Variants in ZNF599 observed in about 807,000 individuals in gnomAD.
ZNF599 encodes zinc finger protein 599.
In ZNF599, 10 loss-of-function variants were observed where a neutral mutation model predicts 11.7. The ratio of observed to expected loss-of-function variants is 0.86; its 90% CI spans 0.53 to 1.45. The LOEUF (loss-of-function observed/expected upper bound fraction) is 1.45, where lower values mean the gene tolerates loss of function less well. Among genes scored for constraint, ZNF599 ranks in the 40% most tolerant of loss-of-function variants. The pLI, the probability that ZNF599 is intolerant of heterozygous loss-of-function variation, is 0.00. For synonymous variants in ZNF599, 232 were observed against 253.2 expected (o/e 0.92, Z 0.79); for missense variants, 688 against 713.6 (o/e 0.96, Z 0.41).
rs1014675265 is a variant in ZNF599, at chr19:34,760,512, C to T, written c.289G>A (p.Ala97Thr). ...TGGAAAGAGGATTCCTCAGAGAAGG[C>T]CAGCTGAGAAGCAGTAGGCTCTGTA... ...KITEPTASQL[A>T]FSEESSFQEL... Residue 97 changes from alanine (A) to threonine (T), a missense_variant, in exon 4 of 4, where the codon GCC (alanine) becomes ACC (threonine). Transcript: ENST00000329285. 6.2e-7 allele frequency: 1 copy of T among 1,613,968 alleles called. No individual in the cohort carries two copies. Among genetic ancestry groups the T allele is most frequent in the Non-Finnish European group, 8.5e-7 (1 of 1,179,978 alleles).
the ZNF599 span, among the ~76,000 whole-genome samples, chr19:34,805,349 C>A: frequency 6.6e-6 from 1 of 152,108 alleles, no homozygotes; most frequent in Non-Finnish European, 1.5e-5. Flanking sequence ...AGGCACGTGC[C>A]ACCACGCCCA....
At chr19:34,777,362 A>C (rs1411899393), upstream of ZNF599, among the ~76,000 whole-genome samples, 3 of 83,468 alleles carry the variant, frequency 3.6e-5, no homozygotes, top group East Asian at 8.1e-4. Flanking sequence ...TTATATATTA[A>C]TATATTATAT....
the ZNF599 span, chr19:34,779,919 T>C: frequency 1.0e-4 from 16 of 157,382 alleles, no homozygotes. Flanking sequence ...CATGGTATGC[T>C]CTTCTGTGGC....
chr19:34,759,486 T>C lies in ZNF599; in HGVS notation c.1315A>G (p.Ile439Val), dbSNP rs2069094554. Residue 439 changes from isoleucine (I) to valine (V), a missense_variant, in exon 4 of 4, where the codon ATT becomes GTT. Ile to Val is a conservative substitution (Grantham distance 29, BLOSUM62 3). Coordinates refer to ENST00000329285, the MANE Select transcript of ZNF599 (RefSeq NM_001007248.3). The part of the protein sequence containing the change: ...GKAFCDSSSL[I>V]QHMRIHTGEK... ...CCAGTGTGAATCCTCATATGTTGAA[T>C]TAAGGAAGAGCTGTCACAAAAGGCC... The C allele has an allele frequency of 1.2e-6, 2 of 1,614,076 alleles. No individual in the cohort carries two copies. Among genetic ancestry groups the C allele is most frequent in the African/African-American group, 2.7e-5 (2 of 74,986 alleles).
chr19:34,779,525 G>C, the ZNF599 span: 1 of 455,660 alleles, frequency 2.2e-6, no homozygotes, highest in African/African-American at 2.0e-5. Flanking sequence ...TTTTTCTCTG[G>C]TGTGAACTCT....
In ZNF599 at chr19:34,765,551, C is replaced by G. The variant is rs758328502; in HGVS notation, c.241+1765G>C. 7.1e-6 allele frequency: 5 copies of G among 702,782 alleles called. No individual in the cohort carries two copies. In the South Asian group the frequency reaches 7.4e-5, roughly 10 times the overall value. 43.5% of individuals were successfully genotyped at this position (702,782 alleles called of 1,614,324 possible). On this transcript the variant is annotated intron_variant, in intron 3 of 3. Coordinates refer to ENST00000329285, the MANE Select transcript of ZNF599 (RefSeq NM_001007248.3). ...ACATATTAATAGTAGATGGCTAATA[C>G]ACCTGAGAAGGCAGAAAGTGTAATC...
intron 2 of ZNF599, among the ~76,000 whole-genome samples, chr19:34,768,240 C>A (rs1019122178): frequency 1.3e-5 from 2 of 152,172 alleles, no homozygotes; most frequent in Non-Finnish European, 2.9e-5. Flanking sequence ...ATCAGGCCTG[C>A]CTTCATCTCT....
Position 34,767,380 on chromosome 19 carries a change from A to C in ZNF599, c.177T>G (p.Tyr59Ter). The change falls in exon 3 of 4, where the codon TAT becomes TAG. Residue 59 changes from tyrosine to a stop codon, truncating the protein, a stop_gained. Transcript: ENST00000329285. LOFTEE classifies it high-confidence loss of function. ...GHPVPKPELI[Y>*]LLEHGQELWT... ...ACAGTTCCTGTCCATGTTCCAGTAGATAGATCAGCTCTGGTTTGGGAACAG... is the reference window on the plus strand; with the variant it reads ...ACAGTTCCTGTCCATGTTCCAGTAGCTAGATCAGCTCTGGTTTGGGAACAG... 2.5e-6 allele frequency: 4 copies of C among 1,614,160 alleles called. No homozygotes were observed. Among genetic ancestry groups the C allele is most frequent in the Non-Finnish European group, 3.4e-6 (4 of 1,180,000 alleles).
At chr19:34,777,920 G>A (rs1246485168), upstream of ZNF599, among the ~76,000 whole-genome samples, 5 of 152,048 alleles carry the variant, frequency 3.3e-5, no homozygotes, top group East Asian at 5.8e-4. Context: ...TGTAGTTAAC[G>A]ATATTGTATA....
At chr19:34,796,099 G>A in the ZNF599 span, among the ~76,000 whole-genome samples, 1 of 152,096 alleles carries the variant, frequency 6.6e-6, no homozygotes, top group East Asian at 1.9e-4. Flanking sequence ...GGTTTTACAG[G>A]CGTGAGCCAC....
chr19:34,804,988 C>T, the ZNF599 span, among the ~76,000 whole-genome samples: 1 of 152,348 alleles, frequency 6.6e-6, no homozygotes, highest in East Asian at 1.9e-4. Context: ...TATAAAATCT[C>T]AAGCAAGCCT....
At chr19:34,787,245 TC>T in the ZNF599 span, among the ~76,000 whole-genome samples, 1 of 151,864 alleles carries the variant, frequency 6.6e-6, no homozygotes, top group Non-Finnish European at 1.5e-5. Flanking sequence ...ATCATCATCA[TC>T]ATCATCATCA....
chr19:34,792,223 A>G, the ZNF599 span, among the ~76,000 whole-genome samples: 4 of 152,200 alleles, frequency 2.6e-5, no homozygotes, highest in Admixed American at 6.5e-5. Flanking sequence ...TGGGAAAGTG[A>G]CATTTCATAA....
chr19:34,766,532 T>A (rs1221307706), intron 3 of ZNF599, among the ~76,000 whole-genome samples: 2 of 152,224 alleles, frequency 1.3e-5, no homozygotes, highest in African/African-American at 4.8e-5. Context: ...TAACACTACA[T>A]TAATATTACT....
the ZNF599 span, among the ~76,000 whole-genome samples, chr19:34,791,623 G>T: frequency 6.6e-6 from 1 of 152,174 alleles, no homozygotes; most frequent in African/African-American, 2.4e-5. Flanking sequence ...CTTAGAGTTT[G>T]ATTTTAACCT....
chr19:34,767,564 A>C (rs944703609), intron 2 of ZNF599, among the ~76,000 whole-genome samples, 153 bp from the exon 3 acceptor site: 1 of 152,172 alleles, frequency 6.6e-6, no homozygotes, highest in African/African-American at 2.4e-5. Flanking sequence ...AATTAACCTA[A>C]GTCAGTAGGA....
At chr19:34,793,051 G>T in the ZNF599 span, among the ~76,000 whole-genome samples, 1 of 152,162 alleles carries the variant, frequency 6.6e-6, no homozygotes, top group Non-Finnish European at 1.5e-5. Flanking sequence ...ACTGGGAGAT[G>T]CAGGGGGAGC....
In ZNF599 at chr19:34,769,549, C is replaced by T; in HGVS notation, c.25G>A (p.Val9Ile). Residue 9 changes from valine to isoleucine, a missense_variant, in exon 2 of 4, where the codon GTA becomes ATA. Physicochemically the swap from Val to Ile is conservative, Grantham distance 29 (BLOSUM62 3). Coordinates refer to ENST00000329285, the MANE Select transcript of ZNF599 (RefSeq NM_001007248.3). ...GTCACAACCACGTCTTCAAATGATA[C>T]TAATGCCTGGGAAGTCAAACAGAGG... MAAPALAL[V>I]SFEDVVVTFT... is the part of the protein sequence containing the mutation. 1 of 1,613,294 alleles carries T rather than the reference C, an allele frequency of 6.2e-7. No individual in the cohort carries two copies. Among genetic ancestry groups the T allele is most frequent in the Non-Finnish European group, 8.5e-7 (1 of 1,179,352 alleles).
chr19:34,800,979 T>C, the ZNF599 span, among the ~76,000 whole-genome samples: 2 of 152,054 alleles, frequency 1.3e-5, no homozygotes, highest in Admixed American at 6.5e-5. Context: ...GTTTTTCCAA[T>C]AGAGCCCTTG....
Sources: gnomAD v4.1 joint callset for allele counts (sites outside exome capture counted in the v4.1 genomes callset) on GRCh38, gnomAD v4.1.1 for gene constraint, MANE v1.5 for transcripts, NCBI Gene and HGNC (gene_info 2026-07-23, HGNC 2026-07-21) for gene names.